SIAE: variants seen among roughly 807,000 people sequenced by gnomAD.
SIAE encodes sialate O-acetylesterase.
A neutral mutation model predicts 52.6 loss-of-function variants in SIAE; 39 were observed. The observed-to-expected ratio is 0.74, with a 90% CI of 0.57 to 0.97. The LOEUF is 0.97. Ranked by LOEUF, SIAE falls within the 50% of genes least tolerant of loss-of-function variation. The pLI is 0.00. For missense variants in SIAE, 592 were observed against 662.1 expected (o/e 0.89, Z 1.16); for synonymous variants, 233 against 241.4 (o/e 0.97, Z 0.32).
At position 124,666,942 on chromosome 11, in the gene SIAE, C is replaced by T. The variant is rs116898005; in HGVS notation, c.229+2418G>A. ...CATTCCACCTAGCCTCCTGCCTCAT[C>T]TCTGCCCACCTCAAATATTAGTTCT... On this transcript the variant is annotated intron_variant, in intron 2 of 9. Coordinates refer to ENST00000263593, the MANE Select transcript of SIAE (RefSeq NM_170601.5). Among the ~76,000 whole-genome samples, 653 of 152,318 alleles carry T rather than the reference C, an allele frequency of 4.3e-3. 23 individuals carry two copies. The East Asian group carries it at 0.062, about 14-fold the overall frequency.
At chr11:124,643,457 A>C (rs1942881473) in intron 7 of SIAE, among the ~76,000 whole-genome samples, 1 of 152,208 alleles carries the variant, frequency 6.6e-6, no homozygotes, top group Admixed American at 6.5e-5. Flanking sequence ...AGCAGGAAGA[A>C]GACCAGTTAG....
intron 8 of SIAE, 100 bp downstream of exon 8, chr11:124,639,610 G>A (rs1942810494): frequency 6.6e-7 from 1 of 1,508,018 alleles, no homozygotes; most frequent in South Asian, 1.1e-5. Flanking sequence ...TGACTCTTAA[G>A]TGCCAATCCT....
Position 124,645,560 on chromosome 11 carries a change from C to T in SIAE, c.966+1805G>A, listed in dbSNP as rs1942920229. Among the ~76,000 whole-genome samples, 1 of 152,110 alleles carries T rather than the reference C, an allele frequency of 6.6e-6. No individual in the cohort carries two copies. Among genetic ancestry groups the T allele is most frequent in the African/African-American group, 2.4e-5 (1 of 41,422 alleles). The stretch of plus-strand genomic sequence containing the variant: ...AGGTGATCCGCCCACCTCGGCCTCC[C>T]AGAGTGCTGGGATTACAAGCGTGAG... On this transcript the variant is annotated intron_variant, in intron 7 of 9. Coordinates refer to ENST00000263593, the MANE Select transcript of SIAE (RefSeq NM_170601.5). The surrounding 1 kb of genome is among the most constrained non-coding windows in gnomAD (Gnocchi z 4.7).
At chr11:124,664,292 C>T (rs538617095) in intron 2 of SIAE, among the ~76,000 whole-genome samples, 140 of 151,384 alleles carry the variant, frequency 9.2e-4, no homozygotes, top group African/African-American at 3.2e-3. Flanking sequence ...AGTGCAGTGG[C>T]GCGATCTTGG....
chr11:124,673,858 C>G (rs1462149453), upstream of SIAE: 1 of 745,794 alleles, frequency 1.3e-6, no homozygotes, highest in Non-Finnish European at 2.1e-6. Flanking sequence ...CCCTTCTCGG[C>G]CGCCGTAGTT....
rs953883871 is a variant in SIAE at position 124,645,691 on chromosome 11, T to A, written c.966+1674A>T. Among the ~76,000 whole-genome samples the A allele has an allele frequency of 6.6e-6, 1 of 152,132 alleles. No individual in the cohort carries two copies. Among genetic ancestry groups the A allele is most frequent in the Non-Finnish European group, 1.5e-5 (1 of 68,030 alleles). On this transcript the variant is annotated intron_variant, in intron 7 of 9. Transcript: ENST00000263593. The surrounding 1 kb of genome is among the most constrained non-coding windows in gnomAD (Gnocchi z 4.7). ...TGGTTTGAGTTGGCTAAAGTCATAC[T>A]CAAATCACCATGTGCACAGGCCAAG...
intron 3 of SIAE, among the ~76,000 whole-genome samples, chr11:124,657,344 C>T (rs559889560): frequency 1.2e-4 from 19 of 152,290 alleles, no homozygotes; most frequent in African/African-American, 3.8e-4. Context: ...TGTAAAAAGC[C>T]GCCTCCTTTG....
rs780706394 is a variant in SIAE at position 124,647,417 on chromosome 11, T to G, written c.914A>C (p.His305Pro). The change falls in exon 7 of 10, where the codon CAC becomes CCC. Residue 305 changes from histidine to proline, a missense_variant. Physicochemically the swap from His to Pro is moderately conservative, Grantham distance 77 (BLOSUM62 -2). Coordinates refer to ENST00000263593, the MANE Select transcript of SIAE (RefSeq NM_170601.5). ...CTCCGTCTGCCCCTGGGAACCACGG[T>G]GGAAGGTTTCACGCCAGTCTTCGAT... is the stretch of plus-strand genomic sequence containing the variant. ...ALIEDWRETF[H>P]RGSQGQTERF... 2 of 1,614,190 alleles carry G rather than the reference T, an allele frequency of 1.2e-6. No homozygotes were observed. The highest frequency in any genetic ancestry group is 2.7e-5 in the African/African-American group (2 of 75,038).
chr11:124,656,309 T>G (rs1480519701), intron 3 of SIAE, among the ~76,000 whole-genome samples: 1 of 152,252 alleles, frequency 6.6e-6, no homozygotes, highest in Non-Finnish European at 1.5e-5. Flanking sequence ...AATCTGCACA[T>G]GTGGAACTGG....
intron 8 of SIAE, 58 bp downstream of exon 8, chr11:124,639,652 G>T: frequency 1.2e-6 from 2 of 1,609,468 alleles, no homozygotes; most frequent in Non-Finnish European, 1.7e-6. Flanking sequence ...GTGAACATCA[G>T]AGTGAAAGAC....
chr11:124,647,922 A>T (rs1156714761), intron 6 of SIAE, 144 bp downstream of exon 6: 9 of 738,020 alleles, frequency 1.2e-5, no homozygotes, highest in Non-Finnish European at 1.9e-5. Context: ...GCCCAGACAT[A>T]AAAACTACCC....
intron 7 of SIAE, among the ~76,000 whole-genome samples, chr11:124,643,283 T>TA (rs1942877554): frequency 6.6e-6 from 1 of 151,896 alleles, no homozygotes; most frequent in East Asian, 1.9e-4. Flanking sequence ...GCAGAGAGAA[T>TA]TAGAAGGTGA....
At chr11:124,657,672 G>C (rs571337047) in intron 3 of SIAE, among the ~76,000 whole-genome samples, 1 of 152,320 alleles carries the variant, frequency 6.6e-6, no homozygotes, top group East Asian at 1.9e-4. Flanking sequence ...TCACATTTGT[G>C]TGTAATTTCA....
rs78778622 is a variant in SIAE, at chr11:124,660,768, T to A, written c.265A>T (p.Met89Leu). The change falls in exon 3 of 10, where the codon ATG becomes TTG. Residue 89 changes from methionine (M) to leucine (L), a missense_variant. Transcript: ENST00000263593. ...SDTWMVVLDPMKPGGPFEVMA... is the reference protein window; with the variant it reads ...SDTWMVVLDPLKPGGPFEVMA... ...ACTTCGAAAGGTCCTCCAGGCTTCATAGGATCCAGTACCACCATCCACGTA... is the reference window on the plus strand; with the variant it reads ...ACTTCGAAAGGTCCTCCAGGCTTCAAAGGATCCAGTACCACCATCCACGTA... 6.2e-7 allele frequency: 1 copy of A among 1,614,174 alleles called. No individual in the cohort carries two copies. The highest frequency in any genetic ancestry group is 8.5e-7 in the Non-Finnish European group (1 of 1,180,016).
rs867749396 is a variant in SIAE at position 124,670,205 on chromosome 11, T to C, written c.68-684A>G. Among the ~76,000 whole-genome samples the C allele has an allele frequency of 3.9e-4, 59 of 152,294 alleles. No homozygotes were observed. The highest frequency in any genetic ancestry group is 6.7e-4 in the African/African-American group (28 of 41,564). On this transcript the variant is annotated intron_variant, in intron 1 of 9. Transcript: ENST00000263593. This position sits in a 1 kb window ranked among gnomAD's most constrained non-coding sequence, Gnocchi z 4.5. ...ACACATAAATAAGGTCAGTGAGAGA[T>C]AGAAGGTCAACATGTCTGAACAAAG...
At chr11:124,669,669 T>C in intron 1 of SIAE, 148 bp from the exon 2 acceptor site, 1 of 745,814 alleles carries the variant, frequency 1.3e-6, no homozygotes, top group Non-Finnish European at 2.3e-6. Context: ...TGGCTCTTCT[T>C]CCTCCTAATT....
chr11:124,674,140 C>T, upstream of SIAE: 1 of 204,942 alleles, frequency 4.9e-6, no homozygotes, highest in Non-Finnish European at 1.0e-5. Flanking sequence ...CCCGTCTGCC[C>T]CCTCCGCCCG....
intron 7 of SIAE, among the ~76,000 whole-genome samples, chr11:124,641,959 C>CAAAAAAAAAA: frequency 2.5e-5 from 1 of 39,216 alleles, no homozygotes; most frequent in Non-Finnish European, 5.6e-5. Context: ...GACTCCATCT[C>CAAAAAAAAAA]AAAAAAAAAA....
rs1291199551 is a variant in SIAE at position 124,634,618 on chromosome 11, A to C, written c.*2333T>G. ...GGTATGATGTTTGCATGTGATATTC[A>C]TTACAGTATTATTTTAATAGTAGAA... On this transcript the variant is annotated 3_prime_UTR_variant, in exon 10 of 10. Transcript: ENST00000263593. The C allele has an allele frequency of 6.6e-6, 1 of 152,152 alleles. No homozygotes were observed. Among genetic ancestry groups the C allele is most frequent in the African/African-American group, 2.4e-5 (1 of 41,434 alleles). The allele number at this position is 152,152 out of a possible 1,614,324, so 9.4% of individuals were successfully genotyped here.
Sources: gnomAD v4.1 joint callset for allele counts (sites outside exome capture counted in the v4.1 genomes callset) on GRCh38, gnomAD v4.1.1 for gene constraint, Gnocchi (gnomAD v3.1) non-coding constraint, MANE v1.5 for transcripts, NCBI Gene and HGNC (gene_info 2026-07-23, HGNC 2026-07-21) for gene names.